The following BMERB1 variants were observed in gnomAD, a reference collection of about 807,000 sequenced individuals.
BMERB1 encodes bMERB domain containing 1.
In BMERB1, 12 loss-of-function variants were observed where a neutral mutation model predicts 23.6. That is an observed-to-expected ratio of 0.51 (90% confidence interval 0.33 to 0.82). BMERB1 has a LOEUF of 0.82. BMERB1 is among the 40% of genes least tolerant of loss of function. The pLI is 0.03. For synonymous variants in BMERB1, 122 were observed against 96.6 expected, an observed-to-expected ratio of 1.26 and a Z score of -1.54; for missense variants, 247 against 255.4, an observed-to-expected ratio of 0.97 and a Z score of 0.22.
chr16:15,486,471 G>C (rs985865980), intron 1 of BMERB1, among the ~76,000 whole-genome samples: 22 of 152,144 alleles, frequency 1.4e-4, no homozygotes, highest in African/African-American at 5.3e-4. Flanking sequence ...TCTCATGGGA[G>C]AGTGACAGAA....
intron 2 of BMERB1, among the ~76,000 whole-genome samples, chr16:15,542,856 T>G (rs1028030488): frequency 9.2e-5 from 14 of 151,952 alleles, no homozygotes; most frequent in Non-Finnish European, 1.6e-4. Context: ...GGTGAGCAGA[T>G]TGGGGCTGGG....
intron 2 of BMERB1, among the ~76,000 whole-genome samples, chr16:15,535,927 A>T (rs981279975): frequency 1.3e-5 from 2 of 152,112 alleles, no homozygotes; most frequent in African/African-American, 4.8e-5. Context: ...CCAGACACTT[A>T]TAAAGCCCTC....
chr16:15,451,192 G>A (rs749336875), intron 1 of BMERB1, among the ~76,000 whole-genome samples: 3 of 152,088 alleles, frequency 2.0e-5, no homozygotes, highest in South Asian at 2.1e-4. Flanking sequence ...TTGTTTGTTC[G>A]TTTTCTGAGA....
At chr16:15,563,096 C>T (rs2030469783) in intron 2 of BMERB1, among the ~76,000 whole-genome samples, 1 of 152,108 alleles carries the variant, frequency 6.6e-6, no homozygotes, top group African/African-American at 2.4e-5. Context: ...AAAGAACTAC[C>T]TGAGGCCGGG....
chr16:15,492,047 G>C (rs1444420987), intron 1 of BMERB1, among the ~76,000 whole-genome samples: 1 of 152,176 alleles, frequency 6.6e-6, no homozygotes, highest in African/African-American at 2.4e-5. Flanking sequence ...AATGACATAG[G>C]AGGCCATGCC....
intron 3 of BMERB1, among the ~76,000 whole-genome samples, chr16:15,571,681 CAGAT>C (rs1419058841): frequency 2.0e-5 from 3 of 152,008 alleles, no homozygotes; most frequent in Admixed American, 1.3e-4. Context: ...TTTTCCTAAA[CAGAT>C]AGCTGCAAGA....
chr16:15,561,984 C>A (rs929285067), intron 2 of BMERB1, among the ~76,000 whole-genome samples: 1 of 151,968 alleles, frequency 6.6e-6, no homozygotes, highest in Non-Finnish European at 1.5e-5. Context: ...GCATAATAAT[C>A]CCAGCAAATA....
intron 2 of BMERB1, among the ~76,000 whole-genome samples, chr16:15,545,856 A>G (rs1275481043): frequency 6.6e-6 from 1 of 152,124 alleles, no homozygotes; most frequent in East Asian, 1.9e-4. Flanking sequence ...GCAGCCAAAA[A>G]TTCCAACTTT....
At chr16:15,505,696 T>C (rs2051581257) in intron 1 of BMERB1, among the ~76,000 whole-genome samples, 1 of 151,956 alleles carries the variant, frequency 6.6e-6, no homozygotes, top group Admixed American at 6.6e-5. Flanking sequence ...GAGACCATCC[T>C]GGCTAACATG....
At chr16:15,452,085 G>A (rs1056672386) in intron 1 of BMERB1, among the ~76,000 whole-genome samples, 4 of 151,794 alleles carry the variant, frequency 2.6e-5, no homozygotes, top group African/African-American at 4.8e-5. Flanking sequence ...TTTGAGACCA[G>A]CCTGGGCAAC....
chr16:15,448,138 C>G (rs1250155958), intron 1 of BMERB1: 1 of 316,256 alleles, frequency 3.2e-6, no homozygotes, highest in African/African-American at 2.2e-5. Context: ...GATCTGCCTG[C>G]CTTGGCCTGC....
At chr16:15,502,607 C>T (rs2051542095) in intron 1 of BMERB1, among the ~76,000 whole-genome samples, 1 of 152,168 alleles carries the variant, frequency 6.6e-6, no homozygotes, top group South Asian at 2.1e-4. Flanking sequence ...TTCTTTCCTA[C>T]ATGAATGATT....
chr16:15,526,955 A>T (rs997076989), intron 2 of BMERB1, among the ~76,000 whole-genome samples: 1 of 146,964 alleles, frequency 6.8e-6, no homozygotes, highest in African/African-American at 2.5e-5. Flanking sequence ...ATAATAAATC[A>T]TATTTTATTA....
intron 2 of BMERB1, chr16:15,536,950 G>T (rs1423556862): frequency 1.3e-5 from 2 of 152,112 alleles, no homozygotes; most frequent in African/African-American, 2.4e-5. Flanking sequence ...TACAAAATCT[G>T]CCCTATGTTA....
At chr16:15,503,587 C>T (rs1436611652) in intron 1 of BMERB1, among the ~76,000 whole-genome samples, 3 of 152,038 alleles carry the variant, frequency 2.0e-5, no homozygotes, top group East Asian at 1.9e-4. Context: ...CATGAGCCAC[C>T]GCGCCCGGCC....
At chr16:15,520,171 G>T (rs1404858631) in intron 2 of BMERB1, among the ~76,000 whole-genome samples, 1 of 151,952 alleles carries the variant, frequency 6.6e-6, no homozygotes, top group African/African-American at 2.4e-5. Context: ...CTTGTTCGAG[G>T]TCACCAGCTA....
At chr16:15,519,501 G>A (rs1194629376) in intron 2 of BMERB1, among the ~76,000 whole-genome samples, 1 of 152,054 alleles carries the variant, frequency 6.6e-6, no homozygotes, top group Non-Finnish European at 1.5e-5. Flanking sequence ...AGCGATTCTT[G>A]TGCCTCGGCC....
intron 2 of BMERB1, among the ~76,000 whole-genome samples, chr16:15,557,623 G>C (rs767576890): frequency 7.4e-4 from 113 of 152,152 alleles, no homozygotes; most frequent in Non-Finnish European, 1.4e-3. Flanking sequence ...TAAATCTTGG[G>C]TGACCAGCTG....
At chr16:15,440,439 A>G (rs2050930489) in intron 1 of BMERB1, among the ~76,000 whole-genome samples, 1 of 152,048 alleles carries the variant, frequency 6.6e-6, no homozygotes, top group Non-Finnish European at 1.5e-5. Context: ...CCAGCGTTTC[A>G]GGTTTCATAA....
Sources: gnomAD v4.1 joint callset for allele counts (sites outside exome capture counted in the v4.1 genomes callset) on GRCh38, gnomAD v4.1.1 for gene constraint, MANE v1.5 for transcripts, NCBI Gene and HGNC (gene_info 2026-07-23, HGNC 2026-07-21) for gene names.